The following PHACTR1 variants were observed in gnomAD, a reference collection of about 807,000 sequenced individuals.
PHACTR1 encodes the protein RPEL repeat containing 1.
PHACTR1 carries 16 observed loss-of-function variants against 69.2 expected under a neutral mutation model. That is an observed-to-expected ratio of 0.23 (90% CI 0.16 to 0.35). The LOEUF is 0.35. Ranked by LOEUF, PHACTR1 falls within the 10% of genes least tolerant of loss-of-function variation. The probability of loss-of-function intolerance (pLI) is 1.00; values close to 1 mark genes in which losing one functional copy is unlikely to be tolerated. For synonymous variants in PHACTR1, 312 were observed against 284.5 expected (o/e 1.10, Z -0.97); for missense variants, 510 against 734.7 (o/e 0.69, Z 3.54).
In PHACTR1 at chr6:12,917,400, C is replaced by T. The variant is rs549139043; in HGVS notation, c.251-135965C>T. Among the ~76,000 whole-genome samples the T allele has an allele frequency of 3.3e-5, 5 of 152,236 alleles. No individual in the cohort carries two copies. The East Asian group carries it at 7.7e-4, about 24-fold the overall frequency. On this transcript the variant is annotated intron_variant, in intron 4 of 14. Coordinates refer to ENST00000332995, the MANE Select transcript of PHACTR1 (RefSeq NM_030948.6). ...ACCCTCAACAGGGATCATGCCATCTCGGAAGCATTCATGTTCATGTTGTGC... is the reference window on the plus strand; with the variant it reads ...ACCCTCAACAGGGATCATGCCATCTTGGAAGCATTCATGTTCATGTTGTGC...
At chr6:12,751,418 A>T (rs1472301654) in intron 4 of PHACTR1, among the ~76,000 whole-genome samples, 3 of 152,198 alleles carry the variant, frequency 2.0e-5, no homozygotes, top group African/African-American at 7.2e-5. Context: ...GACCGATAAT[A>T]GTTTCTTTTA....
intron 4 of PHACTR1, among the ~76,000 whole-genome samples, chr6:13,032,004 C>T (rs1802519208): frequency 6.6e-6 from 1 of 152,174 alleles, no homozygotes; most frequent in Admixed American, 6.5e-5. Context: ...TTTTCTGTAT[C>T]ACTATTCTGA....
intron 4 of PHACTR1, among the ~76,000 whole-genome samples, chr6:12,952,969 C>T (rs2127555605): frequency 6.6e-6 from 1 of 152,258 alleles, no homozygotes; most frequent in Admixed American, 6.5e-5. Flanking sequence ...GAGAAAAAGG[C>T]TGAATGTCAG....
At chr6:12,991,135 C>G (rs1475635893) in intron 4 of PHACTR1, among the ~76,000 whole-genome samples, 2 of 152,164 alleles carry the variant, frequency 1.3e-5, no homozygotes, top group African/African-American at 4.8e-5. Flanking sequence ...CCAGTATTTC[C>G]CTGCCTCCTG....
chr6:12,846,572 T>G (rs150014673), intron 4 of PHACTR1, among the ~76,000 whole-genome samples: 1 of 152,324 alleles, frequency 6.6e-6, no homozygotes, highest in African/African-American at 2.4e-5. Context: ...CCAGATTTCT[T>G]ACGTGTAAGG....
chr6:12,978,926 C>T (rs757989122), intron 4 of PHACTR1, among the ~76,000 whole-genome samples: 3 of 152,148 alleles, frequency 2.0e-5, no homozygotes, highest in Admixed American at 6.5e-5. Flanking sequence ...GATTACTGGG[C>T]GTGGTCTTCT....
chr6:12,822,074 G>A (rs1292162739), intron 4 of PHACTR1, among the ~76,000 whole-genome samples: 3 of 152,176 alleles, frequency 2.0e-5, no homozygotes, highest in Non-Finnish European at 2.9e-5. Context: ...TTTATCATGT[G>A]GCCTGTAGTG....
intron 4 of PHACTR1, chr6:12,957,303 A>G: frequency 1.1e-6 from 1 of 946,662 alleles, no homozygotes; most frequent in South Asian, 4.9e-5. Context: ...CAGACTTCCA[A>G]GCTGCATTTC....
intron 5 of PHACTR1, among the ~76,000 whole-genome samples, chr6:13,069,349 T>C (rs1809156294): frequency 6.6e-6 from 1 of 152,170 alleles, no homozygotes; most frequent in South Asian, 2.1e-4. Context: ...TAATTTATTT[T>C]CTATTCCTTT....
At chr6:12,870,249 G>A (rs1000109475) in intron 4 of PHACTR1, among the ~76,000 whole-genome samples, 1 of 152,204 alleles carries the variant, frequency 6.6e-6, no homozygotes, top group Admixed American at 6.5e-5. Flanking sequence ...TAATTACACA[G>A]TGCTCTGTCA....
chr6:12,799,160 C>T (rs1046616392), intron 4 of PHACTR1, among the ~76,000 whole-genome samples: 5 of 152,114 alleles, frequency 3.3e-5, no homozygotes, highest in Admixed American at 6.5e-5. Context: ...TTCTGTGGAG[C>T]GTGTTTGGTA....
chr6:13,278,155 C>G, intron 11 of PHACTR1, 113 bp from the exon 12 acceptor site: 1 of 1,004,858 alleles, frequency 1.0e-6, no homozygotes, highest in Non-Finnish European at 1.5e-6. Context: ...GGAGTACTCT[C>G]TTCCCTTTAT....
intron 4 of PHACTR1, among the ~76,000 whole-genome samples, chr6:13,007,264 C>T (rs1798900441): frequency 1.3e-5 from 2 of 151,992 alleles, no homozygotes; most frequent in South Asian, 4.2e-4. Context: ...TTCTATAAGA[C>T]AAATATCTAG....
intron 8 of PHACTR1, among the ~76,000 whole-genome samples, chr6:13,210,560 T>C (rs1766657727): frequency 6.6e-6 from 1 of 152,216 alleles, no homozygotes; most frequent in Non-Finnish European, 1.5e-5. Context: ...CTGCCGGAGT[T>C]TGAGTCTTAG....
intron 4 of PHACTR1, among the ~76,000 whole-genome samples, chr6:12,792,863 T>C (rs948802322): frequency 7.5e-6 from 1 of 132,784 alleles, no homozygotes; most frequent in African/African-American, 3.0e-5. Context: ...TTTTTTGGAA[T>C]AATCATCAAA....
intron 4 of PHACTR1, among the ~76,000 whole-genome samples, chr6:12,845,422 A>ACCCC (rs879435671): frequency 4.5e-3 from 57 of 12,804 alleles, no homozygotes; most frequent in East Asian, 0.015. Flanking sequence ...CATTGTGAAC[A>ACCCC]CCACCCACCC....
rs78996149 is a variant in PHACTR1, at chr6:12,899,237, G to A, written c.250+149447G>A. ...CATGATTTGCCCACACCTATCACAT[G>A]CCTGACATACAGTAAGGGATCAAGA... On this transcript the variant is annotated intron_variant, in intron 4 of 14. Coordinates refer to ENST00000332995, the MANE Select transcript of PHACTR1 (RefSeq NM_030948.6). 8.6e-3 allele frequency among the ~76,000 whole-genome samples: 1,315 copies of A among 152,290 alleles called. 34 individuals carry two copies. In the South Asian group the frequency reaches 0.1, roughly 12 times the overall value.
At chr6:13,050,460 A>G (rs1008241725) in intron 4 of PHACTR1, among the ~76,000 whole-genome samples, 3 of 152,336 alleles carry the variant, frequency 2.0e-5, no homozygotes, top group African/African-American at 2.4e-5. Context: ...ATCACTCAGC[A>G]TAAAATCTCC....
At chr6:13,023,538 GA>G (rs1801278664) in intron 4 of PHACTR1, among the ~76,000 whole-genome samples, 2 of 152,208 alleles carry the variant, frequency 1.3e-5, no homozygotes, top group African/African-American at 2.4e-5. Context: ...CTCTTGGGGG[GA>G]AAAAGTTCCC....
Sources: allele counts gnomAD v4.1 joint callset (sites outside exome capture counted in the v4.1 genomes callset), GRCh38; gene constraint gnomAD v4.1.1; transcripts MANE v1.5; gene names NCBI Gene and HGNC (gene_info 2026-07-23, HGNC 2026-07-21).